RANBP2: variants seen among roughly 807,000 people sequenced by gnomAD.
RANBP2 encodes RAN binding protein 2.
In RANBP2, 57 loss-of-function variants were observed where a neutral mutation model predicts 303.6. That is an observed-to-expected ratio of 0.19 (90% CI 0.15 to 0.23). RANBP2 has a LOEUF of 0.23. Ranked by LOEUF, RANBP2 falls within the 10% of genes least tolerant of loss-of-function variation. RANBP2 has a pLI of 1.00. For missense variants in RANBP2, 3,138 were observed against 3,780.8 expected (o/e 0.83, Z 4.46); for synonymous variants, 1,167 against 1,301.5 (o/e 0.90, Z 2.23).
the RANBP2 span, chr2:109,665,283 T>A: frequency 6.6e-6 from 1 of 152,336 alleles, no homozygotes; most frequent in African/African-American, 2.4e-5. Flanking sequence ...GCATCATTGA[T>A]GCCAAGGACC....
At chr2:109,396,197 C>T in the RANBP2 span, among the ~76,000 whole-genome samples, 3 of 152,066 alleles carry the variant, frequency 2.0e-5, no homozygotes, top group East Asian at 1.9e-4. Context: ...GAGAGCCCCA[C>T]GGAGGGCTGT....
intron 8 of RANBP2, among the ~76,000 whole-genome samples, chr2:108,747,823 G>A (rs1204760812): frequency 6.6e-6 from 1 of 152,114 alleles, no homozygotes; most frequent in Non-Finnish European, 1.5e-5. Context: ...TATACCATAC[G>A]CTTCACCCAT....
the RANBP2 span, among the ~76,000 whole-genome samples, chr2:109,463,964 A>G: frequency 1.3e-5 from 2 of 152,144 alleles, no homozygotes; most frequent in Admixed American, 1.3e-4. Flanking sequence ...GTGCCTGGCA[A>G]GAGGTCACCA....
the RANBP2 span, among the ~76,000 whole-genome samples, chr2:108,953,684 T>C: frequency 6.6e-6 from 1 of 152,078 alleles, no homozygotes; most frequent in Non-Finnish European, 1.5e-5. Context: ...ATGTGACTGA[T>C]GAGACACTGG....
chr2:109,144,967 C>A, the RANBP2 span, among the ~76,000 whole-genome samples: 2 of 152,208 alleles, frequency 1.3e-5, no homozygotes, highest in Non-Finnish European at 2.9e-5. Context: ...CTCAGGGCAG[C>A]GGGCTCACAC....
the RANBP2 span, among the ~76,000 whole-genome samples, chr2:109,661,027 A>G: frequency 3.3e-3 from 508 of 152,282 alleles, 4 homozygotes; most frequent in African/African-American, 0.012. Flanking sequence ...GCTAAAACAG[A>G]TATATGATAA....
chr2:109,568,381 T>C, the RANBP2 span, among the ~76,000 whole-genome samples: 2 of 150,938 alleles, frequency 1.3e-5, no homozygotes, highest in African/African-American at 4.9e-5. Context: ...ATCTTTTTTT[T>C]TTTTTTTTTT....
chr2:109,693,986 A>G, the RANBP2 span, among the ~76,000 whole-genome samples: 4 of 152,204 alleles, frequency 2.6e-5, no homozygotes, highest in African/African-American at 9.7e-5. Context: ...AAAGTGCAGT[A>G]AAGCAAAGCA....
chr2:108,745,471 A>G (rs1478537816), intron 7 of RANBP2, among the ~76,000 whole-genome samples: 58 of 149,132 alleles, frequency 3.9e-4, no homozygotes, highest in Non-Finnish European at 6.7e-4. Flanking sequence ...CTTATATAGA[A>G]TAAAAATATT....
chr2:109,584,584 G>T, the RANBP2 span, among the ~76,000 whole-genome samples: 3 of 151,470 alleles, frequency 2.0e-5, no homozygotes, highest in African/African-American at 7.3e-5. Flanking sequence ...ATTTGATAGA[G>T]CATAGAATCT....
chr2:108,826,242 C>T, the RANBP2 span, among the ~76,000 whole-genome samples: 1 of 152,128 alleles, frequency 6.6e-6, no homozygotes, highest in Non-Finnish European at 1.5e-5. Context: ...TCCTTTGAAG[C>T]ATAAAGGTTT....
chr2:109,129,608 A>G, the RANBP2 span: 2 of 1,481,574 alleles, frequency 1.3e-6, no homozygotes, highest in South Asian at 2.6e-5. Context: ...AGCGAGGGCG[A>G]CGAGGACAGG....
At chr2:109,468,127 C>CAGGGGT in the RANBP2 span, among the ~76,000 whole-genome samples, 1 of 152,326 alleles carries the variant, frequency 6.6e-6, no homozygotes, top group Admixed American at 6.5e-5. Flanking sequence ...AAAAACGCGT[C>CAGGGGT]GTTTGGTGAT....
the RANBP2 span, among the ~76,000 whole-genome samples, chr2:108,858,811 G>A: frequency 3.3e-5 from 5 of 151,926 alleles, no homozygotes; most frequent in East Asian, 7.7e-4. Context: ...TAGGATAATG[G>A]CATCCAGCTG....
chr2:108,777,341 C>T (rs1282992582), intron 25 of RANBP2, 110 bp downstream of exon 25: 6 of 507,970 alleles, frequency 1.2e-5, no homozygotes, highest in Non-Finnish European at 1.6e-5. Flanking sequence ...CTTCCCTTAC[C>T]CCCCAGTTTG....
At chr2:109,378,662 T>C in the RANBP2 span, among the ~76,000 whole-genome samples, 348 of 152,358 alleles carry the variant, frequency 2.3e-3, no homozygotes, top group African/African-American at 7.6e-3. Context: ...AGGCTCGCTT[T>C]GAGGCTTTGT....
At chr2:108,833,686 AT>A in the RANBP2 span, among the ~76,000 whole-genome samples, 1 of 151,470 alleles carries the variant, frequency 6.6e-6, no homozygotes, top group Non-Finnish European at 1.5e-5. Context: ...ATTTTCACAA[AT>A]TTTTTTGTTG....
At chr2:109,476,677 A>G in the RANBP2 span, among the ~76,000 whole-genome samples, 1 of 152,232 alleles carries the variant, frequency 6.6e-6, no homozygotes, top group East Asian at 1.9e-4. Context: ...TCCCGCAAGA[A>G]AGAATTCAGG....
the RANBP2 span, among the ~76,000 whole-genome samples, chr2:109,761,730 A>G: frequency 6.8e-6 from 1 of 146,292 alleles, no homozygotes; most frequent in Non-Finnish European, 1.5e-5. Flanking sequence ...TTCCTGGAGG[A>G]ACTTGTGTTA....
Sources: gnomAD v4.1 joint callset for allele counts (sites outside exome capture counted in the v4.1 genomes callset) on GRCh38, gnomAD v4.1.1 for gene constraint, MANE v1.5 for transcripts, NCBI Gene and HGNC (gene_info 2026-07-23, HGNC 2026-07-21) for gene names.